PHF2: variants seen among roughly 807,000 people sequenced by gnomAD.
PHF2 encodes the protein PHD finger protein 2.
In PHF2, 27 loss-of-function variants were observed where a neutral mutation model predicts 120.5. That is an observed-to-expected ratio of 0.22 (90% CI 0.17 to 0.31). PHF2 has a LOEUF of 0.31. Ranked by LOEUF, PHF2 falls within the 10% of genes least tolerant of loss-of-function variation. The pLI is 1.00. For missense variants in PHF2, 1,024 were observed against 1,434.8 expected (o/e 0.71, Z 4.63); for synonymous variants, 568 against 592.5 (o/e 0.96, Z 0.60).
intron 16 of PHF2, among the ~76,000 whole-genome samples, chr9:93,666,334 T>A (rs2118042654): frequency 6.6e-6 from 1 of 152,184 alleles, no homozygotes; most frequent in Middle Eastern, 3.4e-3. Flanking sequence ...TTAACTGCTT[T>A]CCTCCAGCCT....
Position 93,660,076 on chromosome 9 carries a change from G to T in PHF2, c.1330-116G>T, listed in dbSNP as rs1307834284. 6 of 1,315,096 alleles carry T rather than the reference G, an allele frequency of 4.6e-6. No individual in the cohort carries two copies. In the African/African-American group the frequency reaches 7.5e-5, roughly 16 times the overall value. 81.5% of individuals were successfully genotyped at this position (1,315,096 alleles called of 1,614,324 possible). On this transcript the variant is annotated intron_variant, in intron 11 of 21. Coordinates refer to ENST00000359246, the MANE Select transcript of PHF2 (RefSeq NM_005392.4). ...GGTGTGGGGTAGCTGAGCCTTTCTG[G>T]GCTGATAGTTCCCCGCCAGCCTGGC... is the stretch of plus-strand genomic sequence containing the variant.
chr9:93,670,643 C>T (rs1048956604), intron 17 of PHF2, among the ~76,000 whole-genome samples: 17 of 152,296 alleles, frequency 1.1e-4, no homozygotes, highest in Middle Eastern at 3.4e-3. Context: ...CAGGACTTGG[C>T]CTTGGGGGTC....
intron 12 of PHF2, among the ~76,000 whole-genome samples, chr9:93,662,393 G>A (rs1202331383): frequency 2.0e-5 from 3 of 151,772 alleles, no homozygotes; most frequent in Admixed American, 1.3e-4. Flanking sequence ...ATAAATGGAT[G>A]AGTGGATGGA....
At chr9:93,674,334 C>A (rs146423387) in intron 18 of PHF2, among the ~76,000 whole-genome samples, 1 of 152,130 alleles carries the variant, frequency 6.6e-6, no homozygotes, top group African/African-American at 2.4e-5. Flanking sequence ...CCTACAGTGT[C>A]CCCTCCACCT....
intron 1 of PHF2, among the ~76,000 whole-genome samples, chr9:93,617,318 G>A (rs530352285): frequency 6.6e-5 from 10 of 152,304 alleles, no homozygotes; most frequent in African/African-American, 2.4e-4. Context: ...CATATCACCC[G>A]TGAGAAAGCC....
intron 1 of PHF2, among the ~76,000 whole-genome samples, chr9:93,620,333 T>G (rs1825805381): frequency 6.6e-6 from 1 of 152,218 alleles, no homozygotes; most frequent in Non-Finnish European, 1.5e-5. Context: ...TGTCCTGGGA[T>G]GCATCCCCAC....
At chr9:93,626,351 T>C (rs1825915138) in intron 1 of PHF2, among the ~76,000 whole-genome samples, 1 of 152,264 alleles carries the variant, frequency 6.6e-6, no homozygotes, top group Non-Finnish European at 1.5e-5. Flanking sequence ...CTTCTTTTCA[T>C]GTGCTTGTTG....
chr9:93,645,403 C>T (rs1826239230), intron 3 of PHF2, among the ~76,000 whole-genome samples: 1 of 152,256 alleles, frequency 6.6e-6, no homozygotes, highest in Admixed American at 6.5e-5. Context: ...CGTGAGACCC[C>T]ATGTCCCTGC....
In PHF2 at chr9:93,581,783, C is replaced by T. The variant is rs148403658; in HGVS notation, c.98+4912C>T. On this transcript the variant is annotated intron_variant, in intron 1 of 21. Coordinates refer to ENST00000359246, the MANE Select transcript of PHF2 (RefSeq NM_005392.4). ...AAATCTGGGCAGAGATTTGGGTGGA[C>T]GCTGCCACCCCCAGGCATCCTCTTT... is the stretch of plus-strand genomic sequence containing the variant. Among the ~76,000 whole-genome samples the T allele has an allele frequency of 1.7e-3, 261 of 152,252 alleles. 1 individual carries two copies. The highest frequency in any genetic ancestry group is 1.8e-3 in the Non-Finnish European group (124 of 68,014).
chr9:93,664,981 C>G (rs967072345), intron 14 of PHF2, among the ~76,000 whole-genome samples: 4 of 152,246 alleles, frequency 2.6e-5, no homozygotes, highest in Non-Finnish European at 2.9e-5. Context: ...AAGTTCCAGA[C>G]TTTTCTGCCT....
At chr9:93,670,987 C>G in intron 17 of PHF2, 11 of 984,060 alleles carry the variant, frequency 1.1e-5, no homozygotes, top group African/African-American at 1.8e-5. Flanking sequence ...GCAGCTGTGT[C>G]TGTTCAGGTG....
At position 93,660,491 on chromosome 9, in the gene PHF2, C is replaced by CAACCTG; in HGVS notation, c.1630_1635dup (p.Asn544_Leu545dup). ...GGGAGTCAGCCTCACCCACCATCCC[C>CAACCTG]AACCTGGACCTGCTCGAAGCCCACA... On this transcript the variant is annotated inframe_insertion, in exon 12 of 22. Coordinates refer to ENST00000359246, the MANE Select transcript of PHF2 (RefSeq NM_005392.4). 1 of 1,606,482 alleles carries CAACCTG rather than the reference C, an allele frequency of 6.2e-7. No individual in the cohort carries two copies. The highest frequency in any genetic ancestry group is 8.5e-7 in the Non-Finnish European group (1 of 1,177,464).
chr9:93,597,524 G>A (rs1220768178), intron 1 of PHF2, among the ~76,000 whole-genome samples: 2 of 152,022 alleles, frequency 1.3e-5, no homozygotes, highest in African/African-American at 4.8e-5. Flanking sequence ...CAGGCTGTGG[G>A]GCAGGAAGCG....
Position 93,654,575 on chromosome 9 carries a change from G to C in PHF2, c.952G>C (p.Gly318Arg). The change falls in exon 7 of 22, where the codon GGC becomes CGC. Residue 318 changes from glycine to arginine, a missense_variant and splice_region_variant. Physicochemically the swap from Gly to Arg is moderately radical, Grantham distance 125. Transcript: ENST00000359246. ...KQGQTLFIPS[G>R]WIYATLTPVD... ...GGGCCAGACCCTCTTCATCCCCTCAGGTGAGTGCGGGCAGCTTTGGGGACC... is the reference window on the plus strand; with the variant it reads ...GGGCCAGACCCTCTTCATCCCCTCACGTGAGTGCGGGCAGCTTTGGGGACC... The C allele has an allele frequency of 6.2e-7, 1 of 1,612,678 alleles. No individual in the cohort carries two copies. Among genetic ancestry groups the C allele is most frequent in the Non-Finnish European group, 8.5e-7 (1 of 1,179,434 alleles).
chr9:93,622,662 C>T (rs1276172656), intron 1 of PHF2, among the ~76,000 whole-genome samples: 2 of 152,160 alleles, frequency 1.3e-5, no homozygotes, highest in Non-Finnish European at 1.5e-5. Context: ...CTTGCCCACA[C>T]CTTGATTTTA....
intron 12 of PHF2, 55 bp from the exon 13 acceptor site, chr9:93,662,852 G>T: frequency 6.2e-7 from 1 of 1,604,296 alleles, no homozygotes. Flanking sequence ...TGGCTCAAGA[G>T]AGTTCCACCA....
intron 18 of PHF2, 43 bp downstream of exon 18, chr9:93,673,905 T>C (rs767034947): frequency 9.2e-6 from 14 of 1,514,016 alleles, no homozygotes; most frequent in Non-Finnish European, 9.8e-6. Flanking sequence ...TGCTCAGCCC[T>C]AGAAGGCCTG....
intron 1 of PHF2, among the ~76,000 whole-genome samples, chr9:93,598,964 G>T (rs1194827586): frequency 6.6e-6 from 1 of 152,132 alleles, no homozygotes; most frequent in African/African-American, 2.4e-5. Flanking sequence ...ATGTCCGTGT[G>T]CGCCCTTGGA....
At chr9:93,618,455 GCACA>G (rs898380442) in intron 1 of PHF2, among the ~76,000 whole-genome samples, 6 of 152,174 alleles carry the variant, frequency 3.9e-5, no homozygotes, top group African/African-American at 1.2e-4. Flanking sequence ...GGGCATACAA[GCACA>G]CACACACAGT....
Sources: gnomAD v4.1 joint callset for allele counts (sites outside exome capture counted in the v4.1 genomes callset) on GRCh38, gnomAD v4.1.1 for gene constraint, MANE v1.5 for transcripts, NCBI Gene and HGNC (gene_info 2026-07-23, HGNC 2026-07-21) for gene names.